Variants in CHST11 observed in about 807,000 individuals in gnomAD.
CHST11 encodes the protein C4S-1.
Under a neutral mutation model 30.4 loss-of-function variants are expected in CHST11, and 9 were observed. That is an observed-to-expected ratio of 0.30 (90% confidence interval 0.18 to 0.52). The LOEUF (loss-of-function observed/expected upper bound fraction) is 0.52, where lower values mean the gene tolerates loss of function less well. Ranked by LOEUF, CHST11 falls within the 20% of genes least tolerant of loss-of-function variation. CHST11 has a pLI of 0.97. For synonymous variants in CHST11, 152 were observed against 187.8 expected (o/e 0.81, Z 1.56); for missense variants, 348 against 460.6 (o/e 0.76, Z 2.24).
intron 2 of CHST11, among the ~76,000 whole-genome samples, chr12:104,709,443 T>C (rs1337424471): frequency 2.0e-5 from 3 of 152,140 alleles, no homozygotes; most frequent in Admixed American, 2.0e-4. Flanking sequence ...GTCCTCATAG[T>C]GATGCCCACC....
At chr12:104,500,723 T>C (rs569314850) in intron 1 of CHST11, among the ~76,000 whole-genome samples, 1 of 152,304 alleles carries the variant, frequency 6.6e-6, no homozygotes, top group South Asian at 2.1e-4. Flanking sequence ...AGGGTTATAG[T>C]TGGATGCCAA....
At chr12:104,516,089 C>G (rs1272949259) in intron 1 of CHST11, among the ~76,000 whole-genome samples, 2 of 152,162 alleles carry the variant, frequency 1.3e-5, no homozygotes, top group Non-Finnish European at 2.9e-5. Context: ...GAAGCTCAAC[C>G]TTGGCAGTAT....
intron 2 of CHST11, among the ~76,000 whole-genome samples, chr12:104,623,594 C>G (rs1227734090): frequency 2.0e-5 from 3 of 152,106 alleles, no homozygotes; most frequent in African/African-American, 7.2e-5. Context: ...CCTATAATCC[C>G]AGCTACTCGG....
chr12:104,625,984 C>T (rs1242356817), intron 2 of CHST11, among the ~76,000 whole-genome samples: 1 of 152,122 alleles, frequency 6.6e-6, no homozygotes. Flanking sequence ...GGAGGTGATC[C>T]AGTCCTTTTC....
chr12:104,718,423 T>G (rs967880746), intron 2 of CHST11, among the ~76,000 whole-genome samples: 1 of 152,182 alleles, frequency 6.6e-6, no homozygotes, highest in Admixed American at 6.5e-5. Flanking sequence ...GAATCCCTAC[T>G]GCTTAGATAC....
At chr12:104,567,580 C>T (rs1468873853) in intron 1 of CHST11, among the ~76,000 whole-genome samples, 3 of 152,116 alleles carry the variant, frequency 2.0e-5, no homozygotes, top group Non-Finnish European at 4.4e-5. Context: ...ACACTTAATT[C>T]TGTCCCCAGT....
At chr12:104,461,268 T>C (rs2037405349) in intron 1 of CHST11, among the ~76,000 whole-genome samples, 1 of 152,164 alleles carries the variant, frequency 6.6e-6, no homozygotes, top group African/African-American at 2.4e-5. Context: ...TTGGTCTTGT[T>C]TAGCCACTTA....
intron 2 of CHST11, among the ~76,000 whole-genome samples, chr12:104,603,727 C>T (rs2038977893): frequency 6.6e-6 from 1 of 152,258 alleles, no homozygotes; most frequent in East Asian, 1.9e-4. Flanking sequence ...ATATCAGAAG[C>T]CTTGACTTAG....
chr12:104,719,575 T>C (rs1473965333), intron 2 of CHST11, among the ~76,000 whole-genome samples: 3 of 152,216 alleles, frequency 2.0e-5, no homozygotes, highest in Non-Finnish European at 4.4e-5. Flanking sequence ...CTATTCATAG[T>C]CTTTTTTTAA....
intron 1 of CHST11, among the ~76,000 whole-genome samples, chr12:104,551,406 C>G (rs562775106): frequency 6.6e-5 from 10 of 152,002 alleles, no homozygotes; most frequent in Non-Finnish European, 1.5e-4. Flanking sequence ...TGTCCCGTGA[C>G]TGCTTGCTTT....
At chr12:104,728,760 G>C (rs2040234526) in intron 2 of CHST11, among the ~76,000 whole-genome samples, 1 of 152,146 alleles carries the variant, frequency 6.6e-6, no homozygotes, top group African/African-American at 2.4e-5. Flanking sequence ...CTGCCCTCCT[G>C]GGTCCCACCA....
chr12:104,616,432 T>C (rs1367895199), intron 2 of CHST11, among the ~76,000 whole-genome samples: 1 of 151,812 alleles, frequency 6.6e-6, no homozygotes, highest in African/African-American at 2.4e-5. Context: ...AATTACAGAA[T>C]TGGCCCCCAC....
At chr12:104,521,447 A>T (rs2135988306) in intron 1 of CHST11, among the ~76,000 whole-genome samples, 1 of 152,324 alleles carries the variant, frequency 6.6e-6, no homozygotes, top group African/African-American at 2.4e-5. Flanking sequence ...CAGAGATGGC[A>T]AGGAATTCAA....
intron 1 of CHST11, among the ~76,000 whole-genome samples, chr12:104,581,677 G>C (rs1429205289): frequency 6.6e-6 from 1 of 152,180 alleles, no homozygotes; most frequent in Non-Finnish European, 1.5e-5. Flanking sequence ...TAACCTGACA[G>C]AGACTTCCCC....
At chr12:104,516,246 G>A (rs184457383) in intron 1 of CHST11, among the ~76,000 whole-genome samples, 163 of 152,234 alleles carry the variant, frequency 1.1e-3, no homozygotes, top group African/African-American at 3.6e-3. Flanking sequence ...TCCCCTAGGG[G>A]CAAAATTGGG....
rs190065771 is a variant in CHST11 at position 104,562,898 on chromosome 12, G to A, written c.119-39008G>A. On this transcript the variant is annotated intron_variant, in intron 1 of 2. Coordinates refer to ENST00000303694, the MANE Select transcript of CHST11 (RefSeq NM_018413.6). Reference sequence around the variant, plus strand: ...TGGCACCTTCTCAAAGCACATAATGGGTTAAAGGGGCATTCTTGATTCTCC... The same window carrying A: ...TGGCACCTTCTCAAAGCACATAATGAGTTAAAGGGGCATTCTTGATTCTCC... Among the ~76,000 whole-genome samples, 624 of 152,018 alleles carry A rather than the reference G, an allele frequency of 4.1e-3. 18 individuals carry two copies. Among genetic ancestry groups the A allele is most frequent in the Non-Finnish European group, 8.2e-4 (56 of 68,022 alleles).
At chr12:104,572,287 T>A (rs554549874) in intron 1 of CHST11, among the ~76,000 whole-genome samples, 2,088 of 152,086 alleles carry the variant, frequency 0.014, 23 homozygotes, top group African/African-American at 0.047. Flanking sequence ...TCAGAAGGAA[T>A]GGTACCAGCT....
intron 1 of CHST11, among the ~76,000 whole-genome samples, chr12:104,548,457 A>G (rs920415958): frequency 1.3e-5 from 2 of 152,196 alleles, no homozygotes; most frequent in African/African-American, 4.8e-5. Context: ...AGTTGGTACA[A>G]TCCAGCCGTA....
At chr12:104,585,404 T>C (rs1252468613) in intron 1 of CHST11, among the ~76,000 whole-genome samples, 1 of 152,118 alleles carries the variant, frequency 6.6e-6, no homozygotes, top group African/African-American at 2.4e-5. Context: ...TGGGTTGGAA[T>C]AGAAGAGGGT....
Sources: allele counts gnomAD v4.1 joint callset (sites outside exome capture counted in the v4.1 genomes callset), GRCh38; gene constraint gnomAD v4.1.1; transcripts MANE v1.5; gene names NCBI Gene and HGNC (gene_info 2026-07-23, HGNC 2026-07-21).